The following RNF150 variants were observed in gnomAD, a reference collection of about 807,000 sequenced individuals.
The protein encoded by RNF150 is ring finger protein 150.
In RNF150, 24 loss-of-function variants were observed where a neutral mutation model predicts 39.3. The ratio of observed to expected loss-of-function variants is 0.61; its 90% CI spans 0.44 to 0.86. The LOEUF (loss-of-function observed/expected upper bound fraction) is 0.86. RNF150 is among the 40% of genes least tolerant of loss of function. The probability of loss-of-function intolerance (pLI) is 0.00; values close to 1 mark genes in which losing one functional copy is unlikely to be tolerated. For synonymous variants in RNF150, 255 were observed against 227.3 expected, an observed-to-expected ratio of 1.12 and a Z score of -1.10; for missense variants, 502 against 587.8, an observed-to-expected ratio of 0.85 and a Z score of 1.51.
chr4:140,963,503 T>C lies in RNF150; in HGVS notation c.735+4120A>G, dbSNP rs1045013846. ...TACAATTAATTTAAATAGCCACACA[T>C]GGCTAGTGACTACCATGTTGGACAC... On this transcript the variant is annotated intron_variant, in intron 2 of 6. Transcript: ENST00000515673. 3.3e-5 allele frequency among the ~76,000 whole-genome samples: 5 copies of C among 152,180 alleles called. No individual in the cohort carries two copies. The East Asian group carries it at 5.8e-4, about 18-fold the overall frequency.
chr4:141,010,143 G>A (rs1363741563), intron 1 of RNF150, among the ~76,000 whole-genome samples: 1 of 152,216 alleles, frequency 6.6e-6, no homozygotes, highest in Non-Finnish European at 1.5e-5. Context: ...ATACTGGCAT[G>A]AAAATACTTG....
intron 1 of RNF150, among the ~76,000 whole-genome samples, chr4:141,184,892 T>TGTGTGA (rs1727973766): frequency 6.6e-6 from 1 of 151,588 alleles, no homozygotes; most frequent in Admixed American, 6.6e-5. Context: ...TGTGTGTGTG[T>TGTGTGA]GAGTTTATCA....
intron 1 of RNF150, among the ~76,000 whole-genome samples, chr4:141,142,088 C>G (rs980784200): frequency 2.0e-5 from 3 of 151,862 alleles, no homozygotes; most frequent in Non-Finnish European, 4.4e-5. Flanking sequence ...CTCCTTTGAA[C>G]GTTTTATACC....
chr4:141,010,436 A>G (rs1445074148), intron 1 of RNF150, among the ~76,000 whole-genome samples: 2 of 152,186 alleles, frequency 1.3e-5, no homozygotes, highest in Non-Finnish European at 2.9e-5. Flanking sequence ...CAGTGGGCCT[A>G]TATCTCTCAG....
rs559415392 is a variant in RNF150, at chr4:140,897,477, G to A, written c.1198+13667C>T. ...GATCTGCACTCCAACTACAGCCCAG[G>A]TGGGTGTTCAGACCATAGCTAGAAA... On this transcript the variant is annotated intron_variant, in intron 6 of 6. Coordinates refer to ENST00000515673, the MANE Select transcript of RNF150 (RefSeq NM_020724.2). Among the ~76,000 whole-genome samples the A allele has an allele frequency of 4.7e-3, 721 of 152,266 alleles. 2 individuals carry two copies. Among genetic ancestry groups the A allele is most frequent in the Non-Finnish European group, 8.5e-3 (577 of 68,020 alleles).
rs1728698783 is a variant in RNF150, at chr4:140,866,120, G to C, written c.*2141C>G. 1 of 152,170 alleles carries C rather than the reference G, an allele frequency of 6.6e-6. No homozygotes were observed. The highest frequency in any genetic ancestry group is 2.4e-5 in the African/African-American group (1 of 41,434). 9.4% of individuals were successfully genotyped at this position (152,170 alleles called of 1,614,324 possible). A position where few individuals can be genotyped will look rare whatever the true frequency, so the allele number is the denominator to read the frequency against. On this transcript the variant is annotated 3_prime_UTR_variant, in exon 7 of 7. Transcript: ENST00000515673. ...GGCAAAACAAACCAACTCCTACTTG[G>C]ACTTAAAACTTCAATCATTTAGATT...
At chr4:141,003,566 TACACACACAC>T (rs70946725) in intron 1 of RNF150, among the ~76,000 whole-genome samples, 42,505 of 142,458 alleles carry the variant, frequency 0.3, 6,921 homozygotes, top group Admixed American at 0.38. Context: ...CCCTAGCACG[TACACACACAC>T]ACACACACAC....
chr4:140,981,398 C>A (rs1012356120), intron 1 of RNF150, among the ~76,000 whole-genome samples: 1 of 152,046 alleles, frequency 6.6e-6, no homozygotes, highest in Non-Finnish European at 1.5e-5. Flanking sequence ...TAACTTTTGG[C>A]ATGAAATAAA....
chr4:141,000,155 A>G (rs1418197439), intron 1 of RNF150, among the ~76,000 whole-genome samples: 5 of 151,964 alleles, frequency 3.3e-5, no homozygotes, highest in African/African-American at 1.2e-4. Context: ...ATTGGTTCCT[A>G]GCAAAGCTAA....
At chr4:141,124,743 CAG>C (rs1247859812) in intron 1 of RNF150, among the ~76,000 whole-genome samples, 2 of 152,192 alleles carry the variant, frequency 1.3e-5, no homozygotes, top group Non-Finnish European at 2.9e-5. Context: ...CCATTTATAA[CAG>C]AGATTCCAGA....
intron 6 of RNF150, among the ~76,000 whole-genome samples, chr4:140,881,620 A>T (rs1426639962): frequency 1.3e-5 from 2 of 151,550 alleles, no homozygotes; most frequent in Non-Finnish European, 3.0e-5. Flanking sequence ...CATGCCTGTA[A>T]ACTCAGTCCT....
intron 5 of RNF150, among the ~76,000 whole-genome samples, chr4:140,918,951 T>A (rs1490576745): frequency 6.6e-6 from 1 of 152,142 alleles, no homozygotes; most frequent in Non-Finnish European, 1.5e-5. Context: ...ATTATCTCAA[T>A]AGATGCAGAA....
intron 1 of RNF150, among the ~76,000 whole-genome samples, chr4:141,000,032 G>GAAAAGAAGAAAAGAAGAA (rs1560679112): frequency 4.7e-5 from 2 of 42,376 alleles, no homozygotes; most frequent in Non-Finnish European, 1.2e-4. Flanking sequence ...AGAAGAAGAA[G>GAAAAGAAGAAAAGAAGAA]AAGAAGAAGA....
At chr4:141,088,255 A>G (rs1738441997) in intron 1 of RNF150, among the ~76,000 whole-genome samples, 1 of 152,084 alleles carries the variant, frequency 6.6e-6, no homozygotes, top group Admixed American at 6.5e-5. Flanking sequence ...CGGCATATAC[A>G]CTGTGTCCTG....
intron 6 of RNF150, among the ~76,000 whole-genome samples, chr4:140,883,740 T>C (rs182635357): frequency 3.9e-4 from 60 of 152,276 alleles, no homozygotes; most frequent in Non-Finnish European, 6.6e-4. Flanking sequence ...ACAATTTGAT[T>C]GTAATGTGTC....
chr4:141,154,925 C>A (rs556781150), intron 1 of RNF150, among the ~76,000 whole-genome samples: 1 of 152,256 alleles, frequency 6.6e-6, no homozygotes, highest in South Asian at 2.1e-4. Flanking sequence ...AGGAGACAGG[C>A]ATTTTAGAAA....
At chr4:141,092,343 CAA>C (rs34129355) in intron 1 of RNF150, among the ~76,000 whole-genome samples, 1 of 136,732 alleles carries the variant, frequency 7.3e-6, no homozygotes, top group Non-Finnish European at 1.6e-5. Flanking sequence ...ACTCCCTGTA[CAA>C]AAAAAAAAAG....
chr4:140,958,664 T>C (rs1246466788), intron 2 of RNF150, among the ~76,000 whole-genome samples: 1 of 152,140 alleles, frequency 6.6e-6, no homozygotes, highest in Non-Finnish European at 1.5e-5. Context: ...TTCCCATGAC[T>C]GTGGTTTCCT....
intron 1 of RNF150, among the ~76,000 whole-genome samples, chr4:140,994,139 C>T (rs1244533746): frequency 6.6e-6 from 1 of 152,110 alleles, no homozygotes. Flanking sequence ...GAGAACTGCT[C>T]GTGGAAGGAA....
Sources: gnomAD v4.1 joint callset for allele counts (sites outside exome capture counted in the v4.1 genomes callset) on GRCh38, gnomAD v4.1.1 for gene constraint, MANE v1.5 for transcripts, NCBI Gene and HGNC (gene_info 2026-07-23, HGNC 2026-07-21) for gene names.